RAPGEF4: variants seen among roughly 807,000 people sequenced by gnomAD.
RAPGEF4 encodes the protein RAP guanine-nucleotide-exchange factor (GEF) 4.
RAPGEF4 carries 66 observed loss-of-function variants against 147.9 expected under a neutral mutation model. The observed-to-expected ratio is 0.45, with a 90% CI of 0.37 to 0.55. The LOEUF is 0.55. Among genes scored for constraint, RAPGEF4 ranks in the 20% least tolerant of loss-of-function variants. The probability of loss-of-function intolerance (pLI) is 0.00; values close to 1 mark genes in which losing one functional copy is unlikely to be tolerated. For synonymous variants in RAPGEF4, 419 were observed against 442.7 expected (o/e 0.95, Z 0.67); for missense variants, 1,071 against 1,257.3 (o/e 0.85, Z 2.24).
chr2:172,976,504 G>T (rs985454806), intron 10 of RAPGEF4, among the ~76,000 whole-genome samples: 1 of 152,070 alleles, frequency 6.6e-6, no homozygotes, highest in Admixed American at 6.5e-5. Flanking sequence ...GAGATGAAGC[G>T]TTGCATCAAA....
chr2:172,913,589 A>T (rs957321336), intron 4 of RAPGEF4, among the ~76,000 whole-genome samples: 4 of 152,240 alleles, frequency 2.6e-5, no homozygotes, highest in African/African-American at 9.6e-5. Context: ...GGCTGGAGTC[A>T]GCTGGGAGAG....
intron 6 of RAPGEF4, among the ~76,000 whole-genome samples, chr2:172,946,451 T>C (rs1687684843): frequency 6.6e-6 from 1 of 152,228 alleles, no homozygotes; most frequent in African/African-American, 2.4e-5. Flanking sequence ...CTGTATCTAT[T>C]CTTAACAATG....
chr2:172,882,609 G>C (rs1291483888), intron 4 of RAPGEF4, among the ~76,000 whole-genome samples: 1 of 152,126 alleles, frequency 6.6e-6, no homozygotes, highest in Non-Finnish European at 1.5e-5. Flanking sequence ...GTTTATATCT[G>C]GACTTTTACC....
chr2:173,048,519 A>G, intron 29 of RAPGEF4, 81 bp from the exon 30 acceptor site: 1 of 1,587,958 alleles, frequency 6.3e-7, no homozygotes, highest in Non-Finnish European at 8.6e-7. Flanking sequence ...CAAGTATTGC[A>G]GAAATGGTTT....
intron 3 of RAPGEF4, among the ~76,000 whole-genome samples, chr2:172,802,032 G>A (rs181180797): frequency 1.3e-5 from 2 of 152,288 alleles, no homozygotes; most frequent in Non-Finnish European, 2.9e-5. Flanking sequence ...GGGAGGGAAA[G>A]TGAAGTACAC....
chr2:173,046,711 A>T (rs1046555226), intron 29 of RAPGEF4, among the ~76,000 whole-genome samples: 1 of 152,184 alleles, frequency 6.6e-6, no homozygotes, highest in East Asian at 1.9e-4. Flanking sequence ...GGGATTTGTG[A>T]TATGTTTCTC....
chr2:172,814,599 C>T, intron 4 of RAPGEF4, 174 bp downstream of exon 4: 1 of 704,524 alleles, frequency 1.4e-6, no homozygotes, highest in South Asian at 1.7e-5. Flanking sequence ...CATTTTGACA[C>T]AAGACATCCT....
intron 4 of RAPGEF4, among the ~76,000 whole-genome samples, chr2:172,864,140 T>C (rs1406281839): frequency 6.6e-6 from 1 of 152,192 alleles, no homozygotes; most frequent in Non-Finnish European, 1.5e-5. Context: ...AGGCATATCA[T>C]GGGTTCTACC....
intron 4 of RAPGEF4, among the ~76,000 whole-genome samples, chr2:172,856,669 G>A (rs538710327): frequency 6.6e-6 from 1 of 152,346 alleles, no homozygotes; most frequent in South Asian, 2.1e-4. Context: ...CCTTAACTGA[G>A]TGGCTTGGAG....
intron 17 of RAPGEF4, among the ~76,000 whole-genome samples, chr2:173,004,375 T>C (rs1161929916): frequency 1.3e-5 from 2 of 152,186 alleles, no homozygotes; most frequent in Admixed American, 1.3e-4. Flanking sequence ...TAATCCTTTT[T>C]TAAATCTGCA....
intron 6 of RAPGEF4, among the ~76,000 whole-genome samples, chr2:172,956,911 G>C (rs1370197474): frequency 6.6e-6 from 1 of 152,180 alleles, no homozygotes; most frequent in Non-Finnish European, 1.5e-5. Context: ...GAAGAGCTTG[G>C]ATGCAATTTT....
intron 29 of RAPGEF4, among the ~76,000 whole-genome samples, chr2:173,044,744 G>A (rs976240890): frequency 5.3e-5 from 8 of 152,136 alleles, no homozygotes; most frequent in Non-Finnish European, 7.4e-5. Context: ...GATCCGGAGC[G>A]CCTTCTAAAG....
chr2:172,904,922 T>A (rs1020346128), intron 4 of RAPGEF4, among the ~76,000 whole-genome samples: 1 of 152,006 alleles, frequency 6.6e-6, no homozygotes, highest in African/African-American at 2.4e-5. Flanking sequence ...ATGCTTCCTG[T>A]CACATGAGGA....
chr2:173,036,842 T>G (rs1363658036), intron 29 of RAPGEF4, 150 bp downstream of exon 29: 1 of 543,768 alleles, frequency 1.8e-6, no homozygotes, highest in East Asian at 2.9e-5. Flanking sequence ...TCAAATTGGC[T>G]ACCTATTCTA....
intron 4 of RAPGEF4, among the ~76,000 whole-genome samples, chr2:172,898,126 G>A (rs1471450747): frequency 4.6e-5 from 7 of 152,156 alleles, no homozygotes; most frequent in Non-Finnish European, 8.8e-5. Context: ...GTGGGACCAG[G>A]TGGATTTCTG....
rs564434178 is a variant in RAPGEF4 at position 173,011,170 on chromosome 2, G to GCGCGCACACACACA, written c.1659-3293_1659-3292insGCGCACACACACAC. 2.6e-3 allele frequency among the ~76,000 whole-genome samples: 344 copies of GCGCGCACACACACA among 133,552 alleles called. 3 individuals carry two copies. The highest frequency in any genetic ancestry group is 0.012 in the Middle Eastern group (3 of 252). 87.6% of individuals were successfully genotyped at this position (133,552 alleles called of 152,430 possible). On this transcript the variant is annotated intron_variant, in intron 17 of 30. Coordinates refer to ENST00000397081, the MANE Select transcript of RAPGEF4 (RefSeq NM_007023.4). ...AACCTTGGAACTTCAGCGCGCGCGC[G>GCGCGCACACACACA]CACACACACACACACACACACACAC...
intron 6 of RAPGEF4, among the ~76,000 whole-genome samples, chr2:172,950,924 C>T (rs1688149496): frequency 6.6e-6 from 1 of 152,228 alleles, no homozygotes; most frequent in Middle Eastern, 3.2e-3. Flanking sequence ...TCTACTGATA[C>T]TCATCCAATT....
chr2:172,751,237 C>T (rs1198411427), intron 1 of RAPGEF4, among the ~76,000 whole-genome samples: 2 of 152,174 alleles, frequency 1.3e-5, no homozygotes, highest in African/African-American at 2.4e-5. Context: ...TTACTATCTG[C>T]TTACCATGTG....
chr2:172,750,074 C>T (rs1311670423), intron 1 of RAPGEF4, among the ~76,000 whole-genome samples: 2 of 152,160 alleles, frequency 1.3e-5, no homozygotes, highest in African/African-American at 4.8e-5. Flanking sequence ...CAACAAGTCA[C>T]TAGGGAGTTC....
Sources: gnomAD v4.1 joint callset for allele counts (sites outside exome capture counted in the v4.1 genomes callset) on GRCh38, gnomAD v4.1.1 for gene constraint, MANE v1.5 for transcripts, NCBI Gene and HGNC (gene_info 2026-07-23, HGNC 2026-07-21) for gene names.